The following GABPB1 variants were observed in gnomAD, a reference collection of about 807,000 sequenced individuals.
The protein encoded by GABPB1 is GA binding protein transcription factor subunit beta 1.
In GABPB1, 15 loss-of-function variants were observed where a neutral mutation model predicts 45.9. The ratio of observed to expected loss-of-function variants is 0.33; its 90% confidence interval spans 0.22 to 0.50. The LOEUF is 0.50. GABPB1 is among the 20% of genes least tolerant of loss of function. The pLI is 0.98. For synonymous variants in GABPB1, 143 were observed against 154.4 expected (o/e 0.93, Z 0.55); for missense variants, 252 against 457.5 (o/e 0.55, Z 4.10).
At chr15:50,289,042 C>A (rs1341247354) in intron 7 of GABPB1, among the ~76,000 whole-genome samples, 1 of 152,042 alleles carries the variant, frequency 6.6e-6, no homozygotes, top group African/African-American at 2.4e-5. Context: ...GCCCAGGCTC[C>A]AACTTCTTTT....
At position 50,296,402 on chromosome 15, in the gene GABPB1, C is replaced by A. The variant is rs144821166; in HGVS notation, c.697+4387G>T. Among the ~76,000 whole-genome samples the A allele has an allele frequency of 6.6e-5, 10 of 152,300 alleles. No individual in the cohort carries two copies. The East Asian group carries it at 1.9e-3, about 29-fold the overall frequency. The stretch of plus-strand genomic sequence containing the variant: ...AGATACATCCCAAAAGTAATAGCGA[C>A]GCTCTTGCTTAAAATAAGATAAAAT... On this transcript the variant is annotated intron_variant, in intron 6 of 8. Coordinates refer to ENST00000380877, the MANE Select transcript of GABPB1 (RefSeq NM_016654.5).
chr15:50,294,210 T>C (rs984395347), intron 6 of GABPB1, among the ~76,000 whole-genome samples: 14 of 152,136 alleles, frequency 9.2e-5, no homozygotes, highest in South Asian at 4.1e-4. Flanking sequence ...CATAGAAACA[T>C]TTAAATAATA....
At chr15:50,308,650 C>T (rs1256829065) in intron 2 of GABPB1, among the ~76,000 whole-genome samples, 1 of 152,200 alleles carries the variant, frequency 6.6e-6, no homozygotes, top group African/African-American at 2.4e-5. Context: ...GGAAAAACCA[C>T]CAGACAAGTG....
chr15:50,319,787 G>A (rs754999249), intron 1 of GABPB1, among the ~76,000 whole-genome samples: 29 of 151,712 alleles, frequency 1.9e-4, no homozygotes, highest in Admixed American at 6.6e-4. Flanking sequence ...GCAGTGAGCC[G>A]AGATCACACC....
At chr15:50,292,836 A>G (rs866822926) in intron 6 of GABPB1, among the ~76,000 whole-genome samples, 3 of 113,926 alleles carry the variant, frequency 2.6e-5, no homozygotes, top group African/African-American at 1.7e-4. Context: ...AGCAAAATAA[A>G]AGTGTGTATA....
chr15:50,308,064 T>A (rs1167169714), intron 2 of GABPB1, among the ~76,000 whole-genome samples: 2 of 152,240 alleles, frequency 1.3e-5, no homozygotes, highest in African/African-American at 2.4e-5. Context: ...TCTAATCTGT[T>A]ACTAAAATTT....
intron 1 of GABPB1, chr15:50,353,393 T>G (rs1005567006): frequency 5.9e-5 from 9 of 152,102 alleles, no homozygotes; most frequent in African/African-American, 1.9e-4. Flanking sequence ...TTTTTTGGTT[T>G]TTTTTTTAAA....
chr15:50,328,154 G>A (rs2047834452), intron 1 of GABPB1, among the ~76,000 whole-genome samples: 1 of 150,980 alleles, frequency 6.6e-6, no homozygotes, highest in Non-Finnish European at 1.5e-5. Flanking sequence ...GTGTGTTTGT[G>A]TGTTTGATTA....
intron 1 of GABPB1, among the ~76,000 whole-genome samples, chr15:50,331,325 G>A (rs1409850222): frequency 2.0e-5 from 3 of 152,110 alleles, no homozygotes; most frequent in Non-Finnish European, 4.4e-5. Context: ...AGTGGCAAAC[G>A]TGGCAGCAGA....
chr15:50,292,567 T>C (rs1311647891), intron 6 of GABPB1, among the ~76,000 whole-genome samples: 1 of 152,152 alleles, frequency 6.6e-6, no homozygotes, highest in Non-Finnish European at 1.5e-5. Context: ...TGAGCCTCCT[T>C]ACGTGATACA....
intron 1 of GABPB1, among the ~76,000 whole-genome samples, chr15:50,311,241 C>A (rs2047122326): frequency 5.9e-5 from 9 of 151,970 alleles, no homozygotes; most frequent in Admixed American, 5.9e-4. Flanking sequence ...AAAGACTATC[C>A]AGCTGGAAGA....
intron 1 of GABPB1, among the ~76,000 whole-genome samples, chr15:50,346,874 G>A (rs903939820): frequency 3.5e-5 from 5 of 141,088 alleles, no homozygotes; most frequent in South Asian, 4.8e-4. Flanking sequence ...TGCAACCTCC[G>A]CCCCCCCCAG....
chr15:50,344,092 C>T (rs908324569), intron 1 of GABPB1, among the ~76,000 whole-genome samples: 2 of 152,234 alleles, frequency 1.3e-5, no homozygotes, highest in African/African-American at 2.4e-5. Context: ...CAGTGCCAGC[C>T]GCAGGGCAAA....
rs2045890048 is a variant in GABPB1 at position 50,278,810 on chromosome 15, T to C, written c.1000-26A>G. On this transcript the variant is annotated intron_variant, in intron 8 of 8. Coordinates refer to ENST00000380877, the MANE Select transcript of GABPB1 (RefSeq NM_016654.5). Reference sequence around the variant, plus strand: ...CTAATTAAAAGAAGAGGGTTTTTTTTTTAATTTTTGCAAAAATACATTATT... The same window carrying C: ...CTAATTAAAAGAAGAGGGTTTTTTTCTTAATTTTTGCAAAAATACATTATT... 4 of 1,567,930 alleles carry C rather than the reference T, an allele frequency of 2.6e-6. No individual in the cohort carries two copies. In the East Asian group the frequency reaches 9.0e-5, roughly 35 times the overall value.
At chr15:50,279,212 G>A (rs1404655405) in intron 8 of GABPB1, among the ~76,000 whole-genome samples, 1 of 152,114 alleles carries the variant, frequency 6.6e-6, no homozygotes, top group Non-Finnish European at 1.5e-5. Context: ...TGAGTAAACA[G>A]GGTGATTTCC....
In GABPB1 at chr15:50,276,138, A is replaced by T. The variant is rs1030833227; in HGVS notation, c.*2494T>A. ...CACACATATGTGGAAACAATTAACC[A>T]GTGATGTGGCAACCAGATGACTGCT... On this transcript the variant is annotated 3_prime_UTR_variant, in exon 9 of 9. Coordinates refer to ENST00000380877, the MANE Select transcript of GABPB1 (RefSeq NM_016654.5). 7 of 152,362 alleles carry T rather than the reference A, an allele frequency of 4.6e-5. No individual in the cohort carries two copies. Among genetic ancestry groups the T allele is most frequent in the South Asian group, 2.1e-4 (1 of 4,832 alleles). The allele number at this position is 152,362 out of a possible 1,614,324, so 9.4% of individuals were successfully genotyped here.
intron 1 of GABPB1, among the ~76,000 whole-genome samples, chr15:50,321,386 G>A (rs16963612): frequency 0.49 from 74,808 of 151,952 alleles, 19,514 homozygotes; most frequent in Middle Eastern, 0.65. Context: ...ACCACTTCCA[G>A]TGAAATCATA....
chr15:50,346,853 T>A (rs1327409775), intron 1 of GABPB1, among the ~76,000 whole-genome samples: 1 of 145,654 alleles, frequency 6.9e-6, no homozygotes, highest in Non-Finnish European at 1.5e-5. Context: ...AGTGGCGCCA[T>A]CTCGGCTCAC....
At chr15:50,329,546 C>T (rs1348819879) in intron 1 of GABPB1, among the ~76,000 whole-genome samples, 2 of 152,026 alleles carry the variant, frequency 1.3e-5, no homozygotes, top group African/African-American at 4.8e-5. Flanking sequence ...TTATCCTTAG[C>T]GTATATGCCA....
Sources: allele counts gnomAD v4.1 joint callset (sites outside exome capture counted in the v4.1 genomes callset), GRCh38; gene constraint gnomAD v4.1.1; transcripts MANE v1.5; gene names NCBI Gene and HGNC (gene_info 2026-07-23, HGNC 2026-07-21).